Variants in KIF2A observed in about 807,000 individuals in gnomAD.
KIF2A encodes the protein kinesin-like protein KIF2A.
A neutral mutation model predicts 100.2 loss-of-function variants in KIF2A; 22 were observed. The ratio of observed to expected loss-of-function variants is 0.22; its 90% CI spans 0.16 to 0.31. The LOEUF is 0.31. Among genes scored for constraint, KIF2A ranks in the 10% least tolerant of loss-of-function variants. The probability of loss-of-function intolerance (pLI) is 1.00; values close to 1 mark genes in which losing one functional copy is unlikely to be tolerated. For synonymous variants in KIF2A, 268 were observed against 285.9 expected (o/e 0.94, Z 0.63); for missense variants, 495 against 898.7 (o/e 0.55, Z 5.74).
chr5:62,336,313 C>T (rs1052000335), intron 1 of KIF2A, among the ~76,000 whole-genome samples: 7 of 152,258 alleles, frequency 4.6e-5, no homozygotes, highest in South Asian at 2.1e-4. Flanking sequence ...TTTTAAATGC[C>T]GCTGATTTGC....
intron 20 of KIF2A, among the ~76,000 whole-genome samples, chr5:62,382,638 T>G (rs1012868337): frequency 2.0e-5 from 3 of 151,680 alleles, no homozygotes; most frequent in Middle Eastern, 3.4e-3. Context: ...TTTCAGGTTT[T>G]TTTTTTTTTT....
At chr5:62,334,690 G>C (rs896078742) in intron 1 of KIF2A, among the ~76,000 whole-genome samples, 1 of 152,128 alleles carries the variant, frequency 6.6e-6, no homozygotes, top group South Asian at 2.1e-4. Flanking sequence ...CCAGAAGGTC[G>C]CAACAGCAGC....
chr5:62,322,428 T>C (rs1746146658), intron 1 of KIF2A, among the ~76,000 whole-genome samples: 1 of 152,248 alleles, frequency 6.6e-6, no homozygotes, highest in African/African-American at 2.4e-5. Flanking sequence ...GCTTTTGTTA[T>C]ATCTAAGAAA....
chr5:62,336,067 C>T (rs1364223543), intron 1 of KIF2A, among the ~76,000 whole-genome samples: 1 of 152,148 alleles, frequency 6.6e-6, no homozygotes, highest in Non-Finnish European at 1.5e-5. Flanking sequence ...TATTGGCATC[C>T]TTCTGTCCCA....
At chr5:62,325,763 A>G (rs1746343645) in intron 1 of KIF2A, among the ~76,000 whole-genome samples, 1 of 152,238 alleles carries the variant, frequency 6.6e-6, no homozygotes, top group Admixed American at 6.5e-5. Context: ...AAAGCTATTC[A>G]ACCCAACAAT....
intron 1 of KIF2A, among the ~76,000 whole-genome samples, chr5:62,337,954 TTA>T (rs1177782603): frequency 1.3e-5 from 2 of 152,184 alleles, no homozygotes; most frequent in Non-Finnish European, 2.9e-5. Flanking sequence ...GATTATTGGT[TTA>T]TATGATTTTT....
intron 8 of KIF2A, 34 bp downstream of exon 8, chr5:62,357,779 AT>A: frequency 8.4e-7 from 1 of 1,191,864 alleles, no homozygotes; most frequent in Non-Finnish European, 1.2e-6. Flanking sequence ...TAAAAGATTG[AT>A]TTTATCTTAT....
intron 14 of KIF2A, 85 bp downstream of exon 14, chr5:62,363,984 T>C: frequency 1.9e-6 from 2 of 1,028,438 alleles, no homozygotes; most frequent in Non-Finnish European, 1.4e-6. Context: ...TAGTACTTGT[T>C]TTACCTAATA....
chr5:62,368,766 G>C (rs1741197959), intron 16 of KIF2A, among the ~76,000 whole-genome samples: 1 of 150,224 alleles, frequency 6.7e-6, no homozygotes. Context: ...AACAGAGCAA[G>C]ACCTTGTCTT....
At chr5:62,323,944 G>T (rs1746235027) in intron 1 of KIF2A, among the ~76,000 whole-genome samples, 1 of 152,012 alleles carries the variant, frequency 6.6e-6, no homozygotes, top group South Asian at 2.1e-4. Flanking sequence ...TGAGGTGGGA[G>T]GATCCCTTGA....
intron 1 of KIF2A, among the ~76,000 whole-genome samples, chr5:62,323,395 C>T (rs62374960): frequency 0.21 from 32,020 of 151,424 alleles, 3,646 homozygotes; most frequent in Middle Eastern, 0.3. Flanking sequence ...CGGCGGCGGG[C>T]GCCTGTAGTC....
chr5:62,306,857 C>CA (rs934879928), intron 1 of KIF2A: 19 of 332,358 alleles, frequency 5.7e-5, no homozygotes, highest in Non-Finnish European at 7.7e-5. Context: ...AGCCCCCCCC[C>CA]GGGGACACCA....
intron 6 of KIF2A, 71 bp from the exon 7 acceptor site, chr5:62,355,088 T>G (rs975546040): frequency 9.5e-6 from 7 of 737,402 alleles, no homozygotes; most frequent in Non-Finnish European, 1.6e-5. Flanking sequence ...ATTTTAATTT[T>G]CAAACCAAAT....
intron 16 of KIF2A, among the ~76,000 whole-genome samples, chr5:62,371,029 G>A (rs1741300114): frequency 6.6e-6 from 1 of 152,184 alleles, no homozygotes; most frequent in Non-Finnish European, 1.5e-5. Flanking sequence ...TACTTTGGGA[G>A]GCCGAGGCAG....
At chr5:62,322,177 G>A (rs1048119917) in intron 1 of KIF2A, among the ~76,000 whole-genome samples, 16 of 152,154 alleles carry the variant, frequency 1.1e-4, no homozygotes, top group South Asian at 2.1e-4. Flanking sequence ...TGATCCTCCC[G>A]TCTCAGCCTC....
chr5:62,335,606 G>T (rs1388513036), intron 1 of KIF2A, among the ~76,000 whole-genome samples: 1 of 152,168 alleles, frequency 6.6e-6, no homozygotes, highest in Non-Finnish European at 1.5e-5. Context: ...GAAAGTTGGG[G>T]ATATAAACGG....
rs1748040197 is a variant in KIF2A at position 62,355,204 on chromosome 5, A to G, written c.604A>G (p.Arg202Gly). ...NPNYEIMCMI[R>G]DFRGSLDYRP... Reference sequence around the variant, plus strand: ...AAATTATGAAATTATGTGTATGATCAGAGACTTTAGAGGAAGTTTGGATTA... The same window carrying G: ...AAATTATGAAATTATGTGTATGATCGGAGACTTTAGAGGAAGTTTGGATTA... Residue 202 changes from arginine (R) to glycine (G), a missense_variant, in exon 7 of 21, where the codon AGA becomes GGA. Coordinates refer to ENST00000407818, the MANE Select transcript of KIF2A (RefSeq NM_001098511.3). 3.7e-6 allele frequency: 6 copies of G among 1,600,400 alleles called. No homozygotes were observed. Among genetic ancestry groups the G allele is most frequent in the Non-Finnish European group, 5.1e-6 (6 of 1,168,484 alleles).
chr5:62,332,699 A>G (rs1346340801), intron 1 of KIF2A, among the ~76,000 whole-genome samples: 1 of 152,190 alleles, frequency 6.6e-6, no homozygotes, highest in East Asian at 1.9e-4. Context: ...ATGGCAGTGT[A>G]TCAACACGAA....
rs775533413 is a variant in KIF2A, at chr5:62,389,485, C to CA, written c.*3932dup. The stretch of plus-strand genomic sequence containing the variant: ...TGGGTGACAGAGCAAGACTCTGTCT[C>CA]AAAAAAAAAAAAAAAAGAAATGTTA... On this transcript the variant is annotated 3_prime_UTR_variant, in exon 21 of 21. Transcript: ENST00000407818. Among the ~76,000 whole-genome samples, 365 of 75,812 alleles carry CA rather than the reference C, an allele frequency of 4.8e-3. 16 individuals carry two copies. The highest frequency in any genetic ancestry group is 0.038 in the East Asian group (93 of 2,426). 49.7% of individuals were successfully genotyped at this position (75,812 alleles called of 152,430 possible).
Sources: gnomAD v4.1 joint callset for allele counts (sites outside exome capture counted in the v4.1 genomes callset) on GRCh38, gnomAD v4.1.1 for gene constraint, MANE v1.5 for transcripts, NCBI Gene and HGNC (gene_info 2026-07-23, HGNC 2026-07-21) for gene names.